MAGI2: variants seen among roughly 807,000 people sequenced by gnomAD.
MAGI2 encodes membrane associated guanylate kinase, WW and PDZ domain containing 2, also known as membrane-associated guanylate kinase, WW and PDZ domain-containing protein 2.
In MAGI2, 35 loss-of-function variants were observed where a neutral mutation model predicts 133.3. The observed-to-expected ratio is 0.26, with a 90% CI of 0.20 to 0.35. MAGI2 has a LOEUF of 0.35. MAGI2 is among the 10% of genes least tolerant of loss of function. The probability of loss-of-function intolerance (pLI) is 1.00; values close to 1 mark genes in which losing one functional copy is unlikely to be tolerated. For missense variants in MAGI2, 1,636 were observed against 1,863.4 expected (o/e 0.88, Z 2.25); for synonymous variants, 729 against 710.6 (o/e 1.03, Z -0.41).
chr7:78,738,027 C>CA (rs1822037755), intron 2 of MAGI2, among the ~76,000 whole-genome samples: 2 of 150,776 alleles, frequency 1.3e-5, no homozygotes, highest in East Asian at 2.0e-4. Flanking sequence ...TTGAAATTTC[C>CA]AAAAAATAGA....
intron 3 of MAGI2, among the ~76,000 whole-genome samples, chr7:78,534,492 C>A (rs1015279368): frequency 5.9e-5 from 9 of 152,092 alleles, no homozygotes; most frequent in Admixed American, 2.6e-4. Context: ...TGCGTGTGCT[C>A]CCAAATAAAT....
At chr7:79,018,052 G>A (rs1265308904) in intron 1 of MAGI2, among the ~76,000 whole-genome samples, 1 of 151,974 alleles carries the variant, frequency 6.6e-6, no homozygotes, top group African/African-American at 2.4e-5. Flanking sequence ...TTTTGCTAGA[G>A]AGGTCAACAT....
At chr7:78,533,762 G>A (rs151275061) in intron 3 of MAGI2, among the ~76,000 whole-genome samples, 223 of 152,122 alleles carry the variant, frequency 1.5e-3, no homozygotes, top group African/African-American at 5.3e-3. Flanking sequence ...TCAATTCCTG[G>A]GCTAGTTCTT....
intron 21 of MAGI2, among the ~76,000 whole-genome samples, chr7:78,059,873 G>A (rs895830008): frequency 2.6e-5 from 4 of 151,912 alleles, no homozygotes; most frequent in African/African-American, 9.7e-5. Context: ...CTAGAAGGGA[G>A]CTTAGAGAAT....
At chr7:78,571,447 C>A (rs567291431) in intron 3 of MAGI2, among the ~76,000 whole-genome samples, 1 of 152,150 alleles carries the variant, frequency 6.6e-6, no homozygotes, top group Non-Finnish European at 1.5e-5. Context: ...CTCAAAGATG[C>A]TTGAAATAGC....
At chr7:78,594,740 G>T (rs1804417782) in intron 3 of MAGI2, among the ~76,000 whole-genome samples, 1 of 152,196 alleles carries the variant, frequency 6.6e-6, no homozygotes, top group African/African-American at 2.4e-5. Flanking sequence ...ACAGGTGTGA[G>T]CCACTACGTC....
rs1794639294 is a variant in MAGI2 at position 78,501,688 on chromosome 7, T to C, written c.854A>G (p.Glu285Gly). The C allele has an allele frequency of 1.9e-6, 3 of 1,614,132 alleles. No individual in the cohort carries two copies. The highest frequency in any genetic ancestry group is 4.5e-5 in the East Asian group (2 of 44,870). Residue 285 changes from glutamate to glycine, a missense_variant, in exon 5 of 22, where the codon GAG (glutamate) becomes GGG (glycine). By Grantham distance (98) the Glu-to-Gly change is moderately conservative. This residue lies in a region of MAGI2 where 165 missense variants were observed against 128.4 expected (regional missense o/e 1.28). Coordinates refer to ENST00000354212, the MANE Select transcript of MAGI2 (RefSeq NM_012301.4). ...PVYSQPEELK[E>G]QMDDTKPTKP... is the part of the protein sequence containing the mutation. ...AGTTGGCTTTGTGTCATCCATCTGC[T>C]CCTTCAGCTCCTCAGGCTGACTGTA...
chr7:79,080,692 G>A (rs1300716537), intron 1 of MAGI2, among the ~76,000 whole-genome samples: 2 of 151,928 alleles, frequency 1.3e-5, no homozygotes, highest in Non-Finnish European at 2.9e-5. Flanking sequence ...GCAAAACGTC[G>A]CTATTACATA....
intron 1 of MAGI2, among the ~76,000 whole-genome samples, chr7:79,019,764 C>T (rs759202756): frequency 5.9e-5 from 9 of 152,030 alleles, no homozygotes; most frequent in Admixed American, 1.3e-4. Flanking sequence ...AGGCTTGTCT[C>T]GAACTCCTGA....
At chr7:78,714,551 A>T (rs1819520949) in intron 2 of MAGI2, among the ~76,000 whole-genome samples, 1 of 152,210 alleles carries the variant, frequency 6.6e-6, no homozygotes, top group Non-Finnish European at 1.5e-5. Context: ...CTAATGAGCA[A>T]TTCAAATTTA....
At chr7:79,113,952 C>T (rs1250169990) in intron 1 of MAGI2, among the ~76,000 whole-genome samples, 1 of 152,128 alleles carries the variant, frequency 6.6e-6, no homozygotes, top group Non-Finnish European at 1.5e-5. Context: ...ATGTCTTTTT[C>T]TGAATCATTT....
At chr7:79,171,017 T>G (rs1825487870) in intron 1 of MAGI2, among the ~76,000 whole-genome samples, 1 of 152,070 alleles carries the variant, frequency 6.6e-6, no homozygotes, top group Non-Finnish European at 1.5e-5. Context: ...TTTATGTTTG[T>G]TTGTTTGTTT....
chr7:79,170,937 A>G (rs1825477113), intron 1 of MAGI2, among the ~76,000 whole-genome samples: 1 of 152,158 alleles, frequency 6.6e-6, no homozygotes, highest in Admixed American at 6.6e-5. Flanking sequence ...TGTTGATTTT[A>G]CAAAACAGTT....
intron 1 of MAGI2, among the ~76,000 whole-genome samples, chr7:79,046,142 G>C (rs1812164125): frequency 6.6e-6 from 1 of 152,142 alleles, no homozygotes; most frequent in Non-Finnish European, 1.5e-5. Flanking sequence ...ATGGAGTAGG[G>C]TTATGGGCTG....
At position 78,256,395 on chromosome 7, in the gene MAGI2, C is replaced by A. The variant is rs1206996007; in HGVS notation, c.1595G>T (p.Arg532Met). 1.2e-6 allele frequency: 2 copies of A among 1,613,802 alleles called. No individual in the cohort carries two copies. The highest frequency in any genetic ancestry group is 4.5e-5 in the East Asian group (2 of 44,792). Residue 532 changes from arginine to methionine, a missense_variant, in exon 10 of 22, where the codon AGG (arginine) becomes ATG (methionine). By Grantham distance (91) the Arg-to-Met change is moderately conservative. Transcript: ENST00000354212. ...SMVPPLAIME[R>M]PPPVMVNGRH... Reference sequence around the variant, plus strand: ...TCCATTGACCATCACTGGAGGTGGCCTCTCCATTATTGCAAGGGGTGGCAC... The same window carrying A: ...TCCATTGACCATCACTGGAGGTGGCATCTCCATTATTGCAAGGGGTGGCAC...
At chr7:78,211,126 G>C (rs141408299) in intron 10 of MAGI2, among the ~76,000 whole-genome samples, 24 of 152,340 alleles carry the variant, frequency 1.6e-4, no homozygotes, top group African/African-American at 5.8e-4. Context: ...CATGAGACAA[G>C]AGAGGGTGTG....
At chr7:78,190,108 T>C (rs1828062540) in intron 12 of MAGI2, among the ~76,000 whole-genome samples, 1 of 152,216 alleles carries the variant, frequency 6.6e-6, no homozygotes, top group Non-Finnish European at 1.5e-5. Context: ...TTATTTTCTA[T>C]ATTAAGAAAG....
At chr7:79,275,796 G>T (rs1215128197) in intron 1 of MAGI2, among the ~76,000 whole-genome samples, 1 of 152,048 alleles carries the variant, frequency 6.6e-6, no homozygotes, top group African/African-American at 2.4e-5. Flanking sequence ...GGGCCCTTAA[G>T]AATGATGCTA....
chr7:78,893,257 C>T (rs886260784), intron 2 of MAGI2, among the ~76,000 whole-genome samples: 25 of 151,918 alleles, frequency 1.6e-4, no homozygotes, highest in Middle Eastern at 6.8e-3. Context: ...TGTGGAGAAA[C>T]AGGAACACTT....
Sources: gnomAD v4.1 joint callset for allele counts (sites outside exome capture counted in the v4.1 genomes callset) on GRCh38, gnomAD v4.1.1 for gene constraint, gnomAD v4.1.1 regional missense constraint, MANE v1.5 for transcripts, NCBI Gene and HGNC (gene_info 2026-07-23, HGNC 2026-07-21) for gene names.